The following SCUBE2 variants were observed in gnomAD, a reference collection of about 807,000 sequenced individuals.
SCUBE2 encodes signal peptide, CUB and EGF-like domain-containing protein 2.
Under a neutral mutation model 125.9 loss-of-function variants are expected in SCUBE2, and 114 were observed. The observed-to-expected ratio is 0.91, with a 90% CI of 0.78 to 1.06. SCUBE2 has a LOEUF of 1.06. Ranked by LOEUF, SCUBE2 falls within the 50% of genes least tolerant of loss-of-function variation. The pLI, the probability that SCUBE2 is intolerant of heterozygous loss-of-function variation, is 0.00. For missense variants in SCUBE2, 1,255 were observed against 1,301.8 expected (o/e 0.96, Z 0.55); for synonymous variants, 459 against 492.9 (o/e 0.93, Z 0.91).
At chr11:9,083,778 G>A (rs776336864) in intron 2 of SCUBE2, among the ~76,000 whole-genome samples, 1 of 152,040 alleles carries the variant, frequency 6.6e-6, no homozygotes, top group Non-Finnish European at 1.5e-5. Context: ...CTGACCTTGT[G>A]ACCCACCCGC....
chr11:9,055,959 G>C, intron 9 of SCUBE2, 50 bp from the exon 10 acceptor site: 2 of 1,387,566 alleles, frequency 1.4e-6, no homozygotes, highest in Non-Finnish European at 2.1e-6. Context: ...TGAGGGATGA[G>C]TGAAGAATAG....
chr11:9,083,945 G>A (rs1861861244), intron 2 of SCUBE2, among the ~76,000 whole-genome samples: 1 of 152,280 alleles, frequency 6.6e-6, no homozygotes, highest in African/African-American at 2.4e-5. Context: ...ATATAGATAC[G>A]TGTGCATGCG....
intron 21 of SCUBE2, 32 bp downstream of exon 21, chr11:9,025,670 C>T (rs375677768): frequency 1.5e-5 from 24 of 1,611,730 alleles, no homozygotes; most frequent in South Asian, 3.3e-5. Context: ...AAAGCAGAGA[C>T]GCTCTTTCCA....
chr11:9,054,721 ATATATTTTTT>A (rs1858873564), intron 10 of SCUBE2, among the ~76,000 whole-genome samples: 4 of 52,004 alleles, frequency 7.7e-5, no homozygotes, highest in African/African-American at 1.9e-4. Context: ...ATATATATAT[ATATATTTTTT>A]TTTTTTTTTT....
intron 2 of SCUBE2, 152 bp from the exon 3 acceptor site, chr11:9,079,661 A>G: frequency 1.3e-6 from 1 of 745,396 alleles, no homozygotes; most frequent in South Asian, 2.3e-5. Context: ...TATTCACTGC[A>G]GTGTTGTTTC....
chr11:9,057,141 C>T (rs1047135146), intron 9 of SCUBE2: 1 of 152,236 alleles, frequency 6.6e-6, no homozygotes, highest in Non-Finnish European at 1.5e-5. Flanking sequence ...AGAAAGTGCA[C>T]TTGTTCAGTA....
intron 18 of SCUBE2, 168 bp from the exon 19 acceptor site, chr11:9,030,213 T>G: frequency 1.5e-6 from 1 of 674,708 alleles, no homozygotes; most frequent in Non-Finnish European, 2.5e-6. Context: ...ATAGGCAGTG[T>G]GGATGGGGCT....
intron 7 of SCUBE2, among the ~76,000 whole-genome samples, chr11:9,064,279 C>A (rs1296474283): frequency 6.6e-6 from 1 of 151,974 alleles, no homozygotes; most frequent in Non-Finnish European, 1.5e-5. Context: ...CCAGCCTGGG[C>A]AACAGGGCAA....
At chr11:9,085,920 C>T (rs912559797) in intron 2 of SCUBE2, among the ~76,000 whole-genome samples, 2 of 151,820 alleles carry the variant, frequency 1.3e-5, no homozygotes, top group African/African-American at 4.8e-5. Context: ...GCAACCTCCA[C>T]CTCCTGGGCT....
intron 17 of SCUBE2, among the ~76,000 whole-genome samples, chr11:9,031,719 G>A (rs945542568): frequency 6.6e-6 from 1 of 151,922 alleles, no homozygotes; most frequent in Non-Finnish European, 1.5e-5. Flanking sequence ...CCTGGGACAA[G>A]AAACACAGTC....
chr11:9,024,703 T>C (rs1297467250), intron 21 of SCUBE2, among the ~76,000 whole-genome samples: 1 of 152,174 alleles, frequency 6.6e-6, no homozygotes, highest in Non-Finnish European at 1.5e-5. Flanking sequence ...ACTTATGTCC[T>C]TCCCTCTTTC....
rs1590072374 is a variant in SCUBE2, at chr11:9,053,150, C to T, written c.1396G>A (p.Gly466Arg). ...CATCTGAGGAAGCACCCGTCTCCTC[C>T]ACCACTCTTACCGCAGTGCAGGGAC... ...RVSLHCGKSG[G>R]GDGCFLRCHS... is the part of the protein sequence containing the mutation. Residue 466 changes from glycine (G) to arginine (R), a missense_variant, in exon 12 of 23, where the codon GGA (glycine) becomes AGA (arginine). Gly to Arg is a moderately radical substitution (Grantham distance 125). This residue lies in a region of SCUBE2 where 378 missense variants were observed against 463.1 expected (regional missense o/e 0.82). Transcript: ENST00000649792. 1.2e-6 allele frequency: 2 copies of T among 1,614,012 alleles called. No individual in the cohort carries two copies. The highest frequency in any genetic ancestry group is 3.3e-5 in the Admixed American group (2 of 60,014).
intron 2 of SCUBE2, among the ~76,000 whole-genome samples, chr11:9,087,521 G>A (rs892412940): frequency 6.6e-6 from 1 of 152,096 alleles, no homozygotes; most frequent in African/African-American, 2.4e-5. Flanking sequence ...CAGGGGGAGG[G>A]GGGAAGAGAG....
Position 9,053,650 on chromosome 11 carries a change from T to C in SCUBE2, c.1317A>G (p.Lys439=). The C allele has an allele frequency of 6.2e-7, 1 of 1,614,108 alleles. No individual in the cohort carries two copies. ...CHPGYKLHWN[K]KDCVEVKGLL... is the part of the protein sequence containing the mutation. Reference sequence around the variant, plus strand: ...GGTTCCCCTTACCCACACAGTCTTTTTTATTCCAGTGGAGCTTGTACCCAG... The same window carrying C: ...GGTTCCCCTTACCCACACAGTCTTTCTTATTCCAGTGGAGCTTGTACCCAG... The change falls in exon 11 of 23, where the codon AAA becomes AAG. Residue 439 remains lysine (K), a synonymous_variant. Transcript: ENST00000649792.
At chr11:9,090,019 C>T (rs1340274080) in intron 1 of SCUBE2, among the ~76,000 whole-genome samples, 190 bp from the exon 2 acceptor site, 4 of 152,062 alleles carry the variant, frequency 2.6e-5, no homozygotes, top group Non-Finnish European at 5.9e-5. Flanking sequence ...GGACACTCTA[C>T]GTGAAATTAC....
At chr11:9,058,193 T>C (rs1859291026) in intron 9 of SCUBE2, among the ~76,000 whole-genome samples, 1 of 152,126 alleles carries the variant, frequency 6.6e-6, no homozygotes. Context: ...CCAGGTGCGG[T>C]GGCCCACGCC....
At chr11:9,028,078 GTCTC>G (rs1465743089) in intron 19 of SCUBE2, among the ~76,000 whole-genome samples, 1 of 152,070 alleles carries the variant, frequency 6.6e-6, no homozygotes, top group Non-Finnish European at 1.5e-5. Flanking sequence ...TTGAGATGAG[GTCTC>G]TCTCTGTTGC....
chr11:9,022,297 A>C (rs972459677), intron 21 of SCUBE2, among the ~76,000 whole-genome samples: 2 of 152,058 alleles, frequency 1.3e-5, no homozygotes, highest in Admixed American at 1.3e-4. Flanking sequence ...TTCCTACATG[A>C]TACATTTTTC....
intron 16 of SCUBE2, among the ~76,000 whole-genome samples, chr11:9,036,283 A>G (rs1368192118): frequency 1.3e-5 from 2 of 152,236 alleles, no homozygotes; most frequent in African/African-American, 2.4e-5. Flanking sequence ...ATAGAGTATA[A>G]TTCCAGACTT....
Sources: allele counts gnomAD v4.1 joint callset (sites outside exome capture counted in the v4.1 genomes callset), GRCh38; gene constraint gnomAD v4.1.1; regional missense constraint gnomAD v4.1.1; transcripts MANE v1.5; gene names NCBI Gene and HGNC (gene_info 2026-07-23, HGNC 2026-07-21).